Variants in CDC42 observed in about 807,000 individuals in gnomAD.
CDC42 encodes the protein cell division cycle 42, also known as cell division control protein 42 homolog.
CDC42 carries 1 observed loss-of-function variant against 20.8 expected under a neutral mutation model. The ratio of observed to expected loss-of-function variants is 0.05; its 90% CI spans 0.02 to 0.23. CDC42 has a LOEUF of 0.23. CDC42 is among the 10% of genes least tolerant of loss of function. CDC42 has a pLI of 1.00. For missense variants in CDC42, 49 were observed against 227.9 expected (o/e 0.21, Z 5.05); for synonymous variants, 72 against 84.8 (o/e 0.85, Z 0.83).
intron 1 of CDC42, among the ~76,000 whole-genome samples, chr1:22,054,551 G>A (rs1348759705): frequency 6.6e-6 from 1 of 152,118 alleles, no homozygotes; most frequent in African/African-American, 2.4e-5. Flanking sequence ...ACTCTGTAAA[G>A]CAAATGAGAT....
At chr1:22,080,876 A>C (rs1645600079) in intron 2 of CDC42, among the ~76,000 whole-genome samples, 1 of 152,218 alleles carries the variant, frequency 6.6e-6, no homozygotes, top group African/African-American at 2.4e-5. Context: ...TTTTACTCAT[A>C]AAATTCCCAG....
Position 22,095,332 on chromosome 1 carries a change from C to T in CDC42, c.*3815C>T, listed in dbSNP as rs1442966313. ...TCGCCCAGGCTGGAGTGCAGTGGTGCAATCTCGGCTCATTGCAAGCTCCGC... is the reference window on the plus strand; with the variant it reads ...TCGCCCAGGCTGGAGTGCAGTGGTGTAATCTCGGCTCATTGCAAGCTCCGC... On this transcript the variant is annotated 3_prime_UTR_variant, in exon 6 of 6. Coordinates refer to ENST00000656825, the MANE Select transcript of CDC42 (RefSeq NM_001791.4). Among the ~76,000 whole-genome samples the T allele has an allele frequency of 6.6e-6, 1 of 151,868 alleles. No homozygotes were observed. Among genetic ancestry groups the T allele is most frequent in the Non-Finnish European group, 1.5e-5 (1 of 67,962 alleles).
At chr1:22,091,353 A>G in intron 5 of CDC42, 75 bp from the exon 6 acceptor site, 1 of 885,910 alleles carries the variant, frequency 1.1e-6, no homozygotes, top group South Asian at 1.5e-5. Flanking sequence ...GGGGGTTTGA[A>G]TGTTTTAAAT....
chr1:22,069,376 A>G (rs1470172668), intron 1 of CDC42, among the ~76,000 whole-genome samples: 3 of 151,974 alleles, frequency 2.0e-5, no homozygotes, highest in African/African-American at 2.4e-5. Flanking sequence ...GGGTTTCACC[A>G]TGTTGGCCAG....
rs975860347 is a variant in CDC42, at chr1:22,097,534, G to A, written c.*6017G>A. 1.3e-5 allele frequency among the ~76,000 whole-genome samples: 2 copies of A among 152,206 alleles called. No homozygotes were observed. Among genetic ancestry groups the A allele is most frequent in the African/African-American group, 2.4e-5 (1 of 41,440 alleles). Reference sequence around the variant, plus strand: ...TGGGATTATAGGCGTGAGCCACTGCGCCCGGCCTGAAATGTGTATTCTTAA... The same window carrying A: ...TGGGATTATAGGCGTGAGCCACTGCACCCGGCCTGAAATGTGTATTCTTAA... On this transcript the variant is annotated 3_prime_UTR_variant, in exon 6 of 6. Transcript: ENST00000656825.
intron 5 of CDC42, among the ~76,000 whole-genome samples, chr1:22,088,416 G>A (rs376480193): frequency 2.0e-5 from 3 of 152,290 alleles, no homozygotes; most frequent in Non-Finnish European, 4.4e-5. Flanking sequence ...TAGTAAATCC[G>A]TTTGTAGAGA....
At position 22,091,063 on chromosome 1, in the gene CDC42, A is replaced by C. The variant is rs1488604996; in HGVS notation, c.487-365A>C. ...GTTTCATATCCAGCTGTTTCATTTG[A>C]ATGCAGAGCTGCTTCCCTTGTTTTT... On this transcript the variant is annotated intron_variant, in intron 5 of 5. Transcript: ENST00000656825. 2.6e-5 allele frequency among the ~76,000 whole-genome samples: 4 copies of C among 152,208 alleles called. No individual in the cohort carries two copies. The East Asian group carries it at 7.7e-4, about 29-fold the overall frequency.
rs369547438 is a variant in CDC42, at chr1:22,076,796, T to A, written c.-50-1633T>A. On this transcript the variant is annotated intron_variant, in intron 1 of 5. Transcript: ENST00000656825. ...GTTAGTATGGGTGCTTCTTAGTGCA[T>A]AAAAGGGAAAGGAGAAGGAAAAAGG... Among the ~76,000 whole-genome samples, 44 of 152,004 alleles carry A rather than the reference T, an allele frequency of 2.9e-4. No homozygotes were observed. The East Asian group carries it at 4.4e-3, about 15-fold the overall frequency.
In CDC42 at chr1:22,094,121, A is replaced by T. The variant is rs1202919912; in HGVS notation, c.*2604A>T. On this transcript the variant is annotated 3_prime_UTR_variant, in exon 6 of 6. Coordinates refer to ENST00000656825, the MANE Select transcript of CDC42 (RefSeq NM_001791.4). ...TATTTGACGTAACAAACTTGCTTAT[A>T]GTCGTGGCTTAGAAGGTGAGTGATA... Among the ~76,000 whole-genome samples, 1 of 152,044 alleles carries T rather than the reference A, an allele frequency of 6.6e-6. No individual in the cohort carries two copies. Among genetic ancestry groups the T allele is most frequent in the African/African-American group, 2.4e-5 (1 of 41,380 alleles).
At chr1:22,071,266 G>A (rs182440296) in intron 1 of CDC42, among the ~76,000 whole-genome samples, 1 of 151,758 alleles carries the variant, frequency 6.6e-6, no homozygotes, top group South Asian at 2.1e-4. Context: ...GGATGGTCTC[G>A]ATCTCCTGAC....
chr1:22,090,360 A>G, intron 5 of CDC42: 1 of 1,048,280 alleles, frequency 9.5e-7, no homozygotes, highest in Non-Finnish European at 1.2e-6. Context: ...GAGTTTTAAC[A>G]CTTCTAGATC....
At position 22,080,086 on chromosome 1, in the gene CDC42, G is replaced by A. The variant is rs377649857; in HGVS notation, c.105+1503G>A. ...TGAGTTGGGGCTTGCCATTTCTAGAGTAATAGAAATTCAGAGCTGGATGGG... is the reference window on the plus strand; with the variant it reads ...TGAGTTGGGGCTTGCCATTTCTAGAATAATAGAAATTCAGAGCTGGATGGG... On this transcript the variant is annotated intron_variant, in intron 2 of 5. Coordinates refer to ENST00000656825, the MANE Select transcript of CDC42 (RefSeq NM_001791.4). Among the ~76,000 whole-genome samples the A allele has an allele frequency of 3.3e-5, 5 of 152,290 alleles. No individual in the cohort carries two copies. In the East Asian group the frequency reaches 7.7e-4, roughly 23 times the overall value.
chr1:22,053,176 C>G (rs13375412), intron 1 of CDC42: 142,982 of 151,126 alleles, frequency 0.95, 67,723 homozygotes, highest in East Asian at 1. Flanking sequence ...GCCGGTCTTC[C>G]GTGCTGGCAG....
chr1:22,076,230 C>T (rs1234756622), intron 1 of CDC42, among the ~76,000 whole-genome samples: 1 of 151,972 alleles, frequency 6.6e-6, no homozygotes, highest in Non-Finnish European at 1.5e-5. Flanking sequence ...GGGGCCCAGG[C>T]AGTTGGATTA....
At position 22,098,091 on chromosome 1, in the gene CDC42, A is replaced by C. The variant is rs1645768933; in HGVS notation, c.*6574A>C. ...GTGTGAACTGTGGATCACTTGTCTCAGTCATCAGGATTCCTGGACCCTGTA... is the reference window on the plus strand; with the variant it reads ...GTGTGAACTGTGGATCACTTGTCTCCGTCATCAGGATTCCTGGACCCTGTA... On this transcript the variant is annotated 3_prime_UTR_variant, in exon 6 of 6. Transcript: ENST00000656825. Among the ~76,000 whole-genome samples, 1 of 152,172 alleles carries C rather than the reference A, an allele frequency of 6.6e-6. No individual in the cohort carries two copies. Among genetic ancestry groups the C allele is most frequent in the African/African-American group, 2.4e-5 (1 of 41,462 alleles).
In CDC42 at chr1:22,095,234, C is replaced by T. The variant is rs1208188607; in HGVS notation, c.*3717C>T. On this transcript the variant is annotated 3_prime_UTR_variant, in exon 6 of 6. Coordinates refer to ENST00000656825, the MANE Select transcript of CDC42 (RefSeq NM_001791.4). ...AGATCATGGTGATTTAATTACATGG[C>T]CCAATCATGTTTTCTTTCCAGGGCT... Among the ~76,000 whole-genome samples, 1 of 151,982 alleles carries T rather than the reference C, an allele frequency of 6.6e-6. No individual in the cohort carries two copies. The highest frequency in any genetic ancestry group is 2.4e-5 in the African/African-American group (1 of 41,360).
At chr1:22,068,057 A>G (rs1645443773) in intron 1 of CDC42, among the ~76,000 whole-genome samples, 1 of 152,120 alleles carries the variant, frequency 6.6e-6, no homozygotes, top group Non-Finnish European at 1.5e-5. Context: ...ACTCTGGCCT[A>G]GGTGACAGGG....
At chr1:22,086,617 C>T in intron 4 of CDC42, 52 bp from the exon 5 acceptor site, 5 of 1,590,688 alleles carry the variant, frequency 3.1e-6, no homozygotes, top group Non-Finnish European at 4.3e-6. Context: ...TTATAAATAG[C>T]ATTAGAGGCT....
intron 2 of CDC42, among the ~76,000 whole-genome samples, chr1:22,081,195 T>C (rs1645604031): frequency 1.3e-5 from 2 of 152,116 alleles, no homozygotes; most frequent in South Asian, 4.1e-4. Flanking sequence ...GCAAATAATC[T>C]GCCAGCTTTT....
Sources: allele counts gnomAD v4.1 joint callset (sites outside exome capture counted in the v4.1 genomes callset), GRCh38; gene constraint gnomAD v4.1.1; transcripts MANE v1.5; gene names NCBI Gene and HGNC (gene_info 2026-07-23, HGNC 2026-07-21).